The following SLC7A10 variants were observed in gnomAD, a reference collection of about 807,000 sequenced individuals.
The protein encoded by SLC7A10 is solute carrier family 7 member 10.
Under a neutral mutation model 52.7 loss-of-function variants are expected in SLC7A10, and 30 were observed. The ratio of observed to expected loss-of-function variants is 0.57; its 90% CI spans 0.43 to 0.77. The LOEUF is 0.77. Among genes scored for constraint, SLC7A10 ranks in the 30% least tolerant of loss-of-function variants. The pLI, the probability that SLC7A10 is intolerant of heterozygous loss-of-function variation, is 0.00. For synonymous variants in SLC7A10, 318 were observed against 314.9 expected (o/e 1.01, Z -0.10); for missense variants, 581 against 698.5 (o/e 0.83, Z 1.90).
At chr19:33,219,212 A>G (rs1037289808) in intron 1 of SLC7A10, among the ~76,000 whole-genome samples, 3 of 152,092 alleles carry the variant, frequency 2.0e-5, no homozygotes, top group African/African-American at 7.2e-5. Context: ...CGGCCTTCCC[A>G]GAGTCTCCAC....
chr19:33,209,594 T>A, intron 9 of SLC7A10, 109 bp from the exon 10 acceptor site: 1 of 1,174,310 alleles, frequency 8.5e-7, no homozygotes, highest in South Asian at 1.5e-5. Flanking sequence ...AGCTGAGGCC[T>A]GAAGGGCAAT....
rs776458990 is a variant in SLC7A10, at chr19:33,210,460, G to A, written c.1263+7C>T. ...CCGGCACAGGGCCAGCTGTCCCAGG[G>A]CCTCACCTTGATGGGCCTGTGGAGT... is the stretch of plus-strand genomic sequence containing the variant. On this transcript the variant is annotated splice_region_variant and intron_variant, in intron 9 of 10. Coordinates refer to ENST00000253188, the MANE Select transcript of SLC7A10 (RefSeq NM_019849.3). This position sits in a 1 kb window ranked among gnomAD's most constrained non-coding sequence, Gnocchi z 5.6. The A allele has an allele frequency of 4.4e-6, 7 of 1,582,472 alleles. No homozygotes were observed. The highest frequency in any genetic ancestry group is 1.7e-4 in the Middle Eastern group (1 of 6,032).
At chr19:33,223,050 G>A (rs1296587991) in intron 1 of SLC7A10, among the ~76,000 whole-genome samples, 2 of 152,056 alleles carry the variant, frequency 1.3e-5, no homozygotes, top group African/African-American at 2.4e-5. Flanking sequence ...GCTCACACCT[G>A]TAATCCCAGC....
rs1021583123 is a variant in SLC7A10 at position 33,215,667 on chromosome 19, C to T, written c.356+102G>A. The T allele has an allele frequency of 2.5e-5, 30 of 1,189,710 alleles. 1 individual carries two copies. The highest frequency in any genetic ancestry group is 2.3e-4 in the South Asian group (16 of 68,622). 73.7% of individuals were successfully genotyped at this position (1,189,710 alleles called of 1,614,324 possible). On this transcript the variant is annotated intron_variant, in intron 2 of 10. Coordinates refer to ENST00000253188, the MANE Select transcript of SLC7A10 (RefSeq NM_019849.3). ...TTCTCTCCATCCACCCCCACGACCT[C>T]CCTAGGAAGCCGGAAGCAGGAGTGG...
intron 1 of SLC7A10, among the ~76,000 whole-genome samples, chr19:33,225,038 C>T (rs1568397733): frequency 6.6e-6 from 1 of 152,346 alleles, no homozygotes; most frequent in Non-Finnish European, 1.5e-5. Context: ...GCGCAGGCTG[C>T]GCTTGCTCAC....
intron 1 of SLC7A10, among the ~76,000 whole-genome samples, chr19:33,216,262 C>G (rs1214305205): frequency 2.0e-5 from 3 of 152,222 alleles, no homozygotes; most frequent in African/African-American, 7.2e-5. Context: ...ACTTTCTCAG[C>G]CCTCCATTGC....
At chr19:33,223,077 G>A (rs554079793) in intron 1 of SLC7A10, among the ~76,000 whole-genome samples, 232 of 152,268 alleles carry the variant, frequency 1.5e-3, no homozygotes, top group African/African-American at 5.5e-3. Flanking sequence ...GGAGGCCAAG[G>A]CAGGCAGATC....
intron 9 of SLC7A10, 26 bp from the exon 10 acceptor site, chr19:33,209,511 G>A (rs1321834668): frequency 3.7e-6 from 6 of 1,612,318 alleles, no homozygotes; most frequent in Admixed American, 1.7e-5. Flanking sequence ...CAGAAACACC[G>A]ATGGTGCAGG....
intron 5 of SLC7A10, 176 bp downstream of exon 5, chr19:33,212,116 C>T: frequency 1.2e-6 from 1 of 859,788 alleles, no homozygotes; most frequent in Non-Finnish European, 1.8e-6. Flanking sequence ...AGAACAGGGC[C>T]AGGCTAGAAT....
At chr19:33,209,283 G>C in intron 10 of SLC7A10, 25 bp downstream of exon 10, 2 of 1,613,496 alleles carry the variant, frequency 1.2e-6, no homozygotes, top group Non-Finnish European at 8.5e-7. Context: ...CCCTGTGCTG[G>C]GTGACCTGCA....
intron 1 of SLC7A10, among the ~76,000 whole-genome samples, chr19:33,224,226 G>T (rs1321333238): frequency 6.6e-6 from 1 of 152,044 alleles, no homozygotes; most frequent in East Asian, 1.9e-4. Flanking sequence ...ACAGTTCCTG[G>T]AGAGGGTGTG....
chr19:33,224,903 C>A (rs1392266881), intron 1 of SLC7A10, among the ~76,000 whole-genome samples: 1 of 152,082 alleles, frequency 6.6e-6, no homozygotes, highest in Non-Finnish European at 1.5e-5. Context: ...GCTCAGGGAG[C>A]AGCTGGCCTT....
chr19:33,215,659 C>G (rs1256505337), intron 2 of SLC7A10, 110 bp downstream of exon 2: 1 of 1,229,994 alleles, frequency 8.1e-7, no homozygotes. Flanking sequence ...CATCCACCCC[C>G]ACGACCTCCC....
Position 33,210,905 on chromosome 19 carries a change from T to C in SLC7A10, c.1017-7A>G, listed in dbSNP as rs1408115282. On this transcript the variant is annotated splice_region_variant and splice_polypyrimidine_tract_variant and intron_variant, in intron 7 of 10. Transcript: ENST00000253188. The surrounding 1 kb of genome is among the most constrained non-coding windows in gnomAD (Gnocchi z 5.6). ...GGCTCCAGAGAAGCACAGCCTAGCG[T>C]TGGGGACAGATATGGGCACTGGCCA... 4 of 1,612,894 alleles carry C rather than the reference T, an allele frequency of 2.5e-6. No individual in the cohort carries two copies. Among genetic ancestry groups the C allele is most frequent in the Non-Finnish European group, 3.4e-6 (4 of 1,179,740 alleles).
At chr19:33,222,156 T>G (rs1974822967) in intron 1 of SLC7A10, among the ~76,000 whole-genome samples, 1 of 152,028 alleles carries the variant, frequency 6.6e-6, no homozygotes, top group Non-Finnish European at 1.5e-5. Flanking sequence ...CCTAACACTC[T>G]GGGAGGCTGA....
intron 5 of SLC7A10, chr19:33,212,084 T>C (rs1459470506): frequency 3.0e-6 from 2 of 659,520 alleles, no homozygotes; most frequent in Non-Finnish European, 5.2e-6. Flanking sequence ...TGCAAGGGGC[T>C]GTGACGTGTC....
Position 33,212,244 on chromosome 19 carries a change from C to G in SLC7A10, c.788+48G>C, listed in dbSNP as rs761112864. 21 of 1,564,412 alleles carry G rather than the reference C, an allele frequency of 1.3e-5. No individual in the cohort carries two copies. In the African/African-American group the frequency reaches 2.7e-4, roughly 20 times the overall value. ...CTGGGCGGAGAGGCTGCCTGTCCCA[C>G]CAGAGGGCCTGGCTGCTTCCCAGGG... On this transcript the variant is annotated intron_variant, in intron 5 of 10. Coordinates refer to ENST00000253188, the MANE Select transcript of SLC7A10 (RefSeq NM_019849.3).
intron 1 of SLC7A10, among the ~76,000 whole-genome samples, chr19:33,225,191 A>G (rs1250563253): frequency 1.3e-5 from 2 of 152,158 alleles, no homozygotes; most frequent in Non-Finnish European, 2.9e-5. Context: ...CAGCCCCTAC[A>G]CTGGTCAAGT....
intron 9 of SLC7A10, among the ~76,000 whole-genome samples, chr19:33,209,696 CAA>C (rs1303222570): frequency 1.6e-5 from 2 of 121,338 alleles, no homozygotes; most frequent in South Asian, 2.7e-4. Flanking sequence ...GAGGATTTTT[CAA>C]AGTCTCAGCG....
Sources: allele counts gnomAD v4.1 joint callset (sites outside exome capture counted in the v4.1 genomes callset), GRCh38; gene constraint gnomAD v4.1.1; non-coding constraint Gnocchi (gnomAD v3.1); transcripts MANE v1.5; gene names NCBI Gene and HGNC (gene_info 2026-07-23, HGNC 2026-07-21).